Variants in ALKAL1 observed in about 807,000 individuals in gnomAD.
ALKAL1 encodes the protein ALK and LTK ligand 1.
Under a neutral mutation model 13.5 loss-of-function variants are expected in ALKAL1, and 23 were observed. The ratio of observed to expected loss-of-function variants is 1.70; its 90% CI spans 1.23 to 2.41. ALKAL1 has a LOEUF of 2.41. ALKAL1 is among the 30% of genes most tolerant of loss of function. The probability of loss-of-function intolerance (pLI) is 0.00; values close to 1 mark genes in which losing one functional copy is unlikely to be tolerated. For synonymous variants in ALKAL1, 85 were observed against 77.7 expected (o/e 1.09, Z -0.49); for missense variants, 181 against 178.4 (o/e 1.01, Z -0.08).
At chr8:52,548,126 A>G (rs1847390937) in intron 1 of ALKAL1, among the ~76,000 whole-genome samples, 1 of 152,000 alleles carries the variant, frequency 6.6e-6, no homozygotes, top group Non-Finnish European at 1.5e-5. Flanking sequence ...AGGCCGGTGG[A>G]TCGCCTGAGG....
intron 1 of ALKAL1, among the ~76,000 whole-genome samples, chr8:52,552,341 A>G (rs1847438247): frequency 1.3e-5 from 2 of 151,862 alleles, no homozygotes; most frequent in South Asian, 4.2e-4. Flanking sequence ...GCTGGTGTTG[A>G]CCTTGACCTC....
chr8:52,548,243 C>G (rs1355970717), intron 1 of ALKAL1, among the ~76,000 whole-genome samples: 1 of 151,972 alleles, frequency 6.6e-6, no homozygotes, highest in African/African-American at 2.4e-5. Context: ...CCCAGCTACT[C>G]AGGAGGCTGA....
intron 1 of ALKAL1, among the ~76,000 whole-genome samples, chr8:52,550,345 A>G (rs1847417480): frequency 6.6e-6 from 1 of 152,210 alleles, no homozygotes; most frequent in African/African-American, 2.4e-5. Flanking sequence ...CCAAGCCCAG[A>G]CTTACAGTCA....
intron 1 of ALKAL1, among the ~76,000 whole-genome samples, chr8:52,549,235 C>G (rs7018160): frequency 0.32 from 48,422 of 151,670 alleles, 8,220 homozygotes; most frequent in Non-Finnish European, 0.39. Flanking sequence ...CACTACTAAT[C>G]TCATTACTAA....
intron 1 of ALKAL1, among the ~76,000 whole-genome samples, chr8:52,564,655 G>A (rs970453361): frequency 7.9e-5 from 12 of 152,168 alleles, no homozygotes; most frequent in African/African-American, 2.9e-4. Context: ...GGCATTCCTG[G>A]CACGGTCAGG....
intron 2 of ALKAL1, 64 bp from the exon 3 acceptor site, chr8:52,539,975 C>A: frequency 1.4e-6 from 2 of 1,412,930 alleles, no homozygotes; most frequent in Non-Finnish European, 2.0e-6. Flanking sequence ...AATTTCCTAG[C>A]ACTTTATGGG....
chr8:52,561,158 T>A (rs990558841), intron 1 of ALKAL1, among the ~76,000 whole-genome samples: 1 of 152,180 alleles, frequency 6.6e-6, no homozygotes, highest in African/African-American at 2.4e-5. Context: ...TGAAATAAAT[T>A]GTTACTCACC....
intron 4 of ALKAL1, among the ~76,000 whole-genome samples, chr8:52,535,476 G>A (rs769469949): frequency 2.0e-5 from 3 of 147,080 alleles, no homozygotes; most frequent in Non-Finnish European, 3.0e-5. Context: ...ACTGGACCCT[G>A]GGAGGTTGAG....
chr8:52,554,221 TCA>T (rs1468131129), intron 1 of ALKAL1, among the ~76,000 whole-genome samples: 1 of 152,052 alleles, frequency 6.6e-6, no homozygotes. Context: ...TGAAGCTCCG[TCA>T]CACACACACA....
At chr8:52,538,089 GAA>G (rs74773505) in intron 4 of ALKAL1, among the ~76,000 whole-genome samples, 10 of 130,794 alleles carry the variant, frequency 7.6e-5, no homozygotes, top group Non-Finnish European at 1.3e-4. Context: ...CTCTGCCTCC[GAA>G]AAAAAAAAAA....
chr8:52,558,412 A>T (rs576458340), intron 1 of ALKAL1, among the ~76,000 whole-genome samples: 19 of 151,656 alleles, frequency 1.3e-4, no homozygotes, highest in South Asian at 2.1e-4. Context: ...CAGCATTTAA[A>T]TTTGAATGAG....
At position 52,555,518 on chromosome 8, in the gene ALKAL1, T is replaced by G. The variant is rs139939787; in HGVS notation, c.190+9549A>C. Among the ~76,000 whole-genome samples the G allele has an allele frequency of 1.2e-4, 18 of 152,132 alleles. No individual in the cohort carries two copies. The East Asian group carries it at 3.5e-3, about 29-fold the overall frequency. On this transcript the variant is annotated intron_variant, in intron 1 of 4. Coordinates refer to ENST00000358543, the MANE Select transcript of ALKAL1 (RefSeq NM_207413.4). ...GGCAGCAGATAATGAATATATAAAT[T>G]TAAAGGACAAGGTAAAGAAACAGTG...
intron 1 of ALKAL1, 86 bp from the exon 2 acceptor site, chr8:52,542,531 G>A: frequency 2.5e-6 from 2 of 800,390 alleles, no homozygotes; most frequent in Non-Finnish European, 2.0e-6. Flanking sequence ...TACTTAATAA[G>A]GCACTAAACA....
intron 1 of ALKAL1, among the ~76,000 whole-genome samples, chr8:52,552,104 G>A (rs939139558): frequency 7.2e-5 from 11 of 151,936 alleles, no homozygotes; most frequent in South Asian, 6.3e-4. Context: ...CTCCTTAGGC[G>A]CCTCTTGGCC....
intron 3 of ALKAL1, 148 bp from the exon 4 acceptor site, chr8:52,538,655 A>C: frequency 1.7e-6 from 1 of 600,518 alleles, no homozygotes; most frequent in East Asian, 2.8e-5. Flanking sequence ...TTTTCTCATC[A>C]ATTCTTTCAA....
At chr8:52,552,366 G>A (rs1479003942) in intron 1 of ALKAL1, among the ~76,000 whole-genome samples, 1 of 152,122 alleles carries the variant, frequency 6.6e-6, no homozygotes, top group African/African-American at 2.4e-5. Context: ...CTGAGTCCCT[G>A]TGTGTCAGGA....
chr8:52,562,241 AG>A (rs1396583829), intron 1 of ALKAL1, among the ~76,000 whole-genome samples: 1 of 152,150 alleles, frequency 6.6e-6, no homozygotes, highest in Non-Finnish European at 1.5e-5. Flanking sequence ...GAGATGATCG[AG>A]AAGGTCACCG....
chr8:52,556,518 G>A (rs1261645400), intron 1 of ALKAL1, among the ~76,000 whole-genome samples: 14 of 151,626 alleles, frequency 9.2e-5, no homozygotes, highest in South Asian at 2.1e-4. Flanking sequence ...GTGGTGGCGC[G>A]CGCCTGTAGT....
At chr8:52,552,634 T>C (rs1246747272) in intron 1 of ALKAL1, among the ~76,000 whole-genome samples, 2 of 152,266 alleles carry the variant, frequency 1.3e-5, no homozygotes, top group Admixed American at 6.5e-5. Context: ...TATAATCTAA[T>C]AGTACTTTCT....
Sources: gnomAD v4.1 joint callset for allele counts (sites outside exome capture counted in the v4.1 genomes callset) on GRCh38, gnomAD v4.1.1 for gene constraint, MANE v1.5 for transcripts, NCBI Gene and HGNC (gene_info 2026-07-23, HGNC 2026-07-21) for gene names.